KAT6A: variants seen among roughly 807,000 people sequenced by gnomAD.
KAT6A encodes lysine acetyltransferase 6A, also known as histone acetyltransferase KAT6A.
A neutral mutation model predicts 198.4 loss-of-function variants in KAT6A; 9 were observed. That is an observed-to-expected ratio of 0.05 (90% CI 0.03 to 0.08). KAT6A has a LOEUF of 0.08. Among genes scored for constraint, KAT6A ranks in the 10% least tolerant of loss-of-function variants. The pLI, the probability that KAT6A is intolerant of heterozygous loss-of-function variation, is 1.00. For missense variants in KAT6A, 2,077 were observed against 2,509.9 expected (o/e 0.83, Z 3.69); for synonymous variants, 890 against 883.0 (o/e 1.01, Z -0.14).
intron 2 of KAT6A, among the ~76,000 whole-genome samples, chr8:42,025,007 T>C (rs1469414005): frequency 6.6e-6 from 1 of 152,186 alleles, no homozygotes; most frequent in African/African-American, 2.4e-5. Context: ...CTTTCAGTTT[T>C]TGAGAAATCT....
chr8:42,022,767 T>C (rs978526910), intron 2 of KAT6A, among the ~76,000 whole-genome samples: 4 of 152,042 alleles, frequency 2.6e-5, no homozygotes, highest in African/African-American at 9.7e-5. Flanking sequence ...GCACTATTTG[T>C]CATCACAAAA....
intron 8 of KAT6A, among the ~76,000 whole-genome samples, chr8:41,961,788 C>T (rs1006001549): frequency 2.0e-5 from 3 of 151,570 alleles, no homozygotes; most frequent in Admixed American, 1.3e-4. Flanking sequence ...CTTCTTTAGC[C>T]CTCACAGCTC....
intron 2 of KAT6A, among the ~76,000 whole-genome samples, chr8:42,019,968 T>G (rs190641964): frequency 6.6e-6 from 1 of 152,320 alleles, no homozygotes; most frequent in African/African-American, 2.4e-5. Flanking sequence ...AGGGGTATCC[T>G]TAGGTATATA....
chr8:42,015,003 ACTC>A (rs1199774243), intron 2 of KAT6A, among the ~76,000 whole-genome samples: 1 of 152,146 alleles, frequency 6.6e-6, no homozygotes, highest in African/African-American at 2.4e-5. Context: ...CTGTTCAACT[ACTC>A]CTCATCTTTA....
chr8:42,042,637 A>T (rs1035257280), intron 2 of KAT6A, among the ~76,000 whole-genome samples: 2 of 152,198 alleles, frequency 1.3e-5, no homozygotes, highest in Non-Finnish European at 2.9e-5. Context: ...TTATCATTGG[A>T]TCTTTCTGCT....
chr8:41,952,744 T>C lies in KAT6A; in HGVS notation c.1598+2552A>G, dbSNP rs576243567. On this transcript the variant is annotated intron_variant, in intron 9 of 16. Transcript: ENST00000265713. ...AAATAGGCATTAACAAAATTAAGAA[T>C]AGAGGTTTATTATTTGGAAAATGTA... 1.3e-5 allele frequency among the ~76,000 whole-genome samples: 2 copies of C among 152,314 alleles called. 1 individual carries two copies. Among genetic ancestry groups the C allele is most frequent in the African/African-American group, 4.8e-5 (2 of 41,570 alleles).
chr8:42,009,913 A>C (rs1377719984), intron 2 of KAT6A, among the ~76,000 whole-genome samples: 11 of 136,578 alleles, frequency 8.1e-5, no homozygotes, highest in East Asian at 4.2e-4. Context: ...AAAAAAAAAA[A>C]ACAAAAAAAA....
At chr8:41,979,891 T>C (rs1170645664) in intron 5 of KAT6A, among the ~76,000 whole-genome samples, 2 of 151,960 alleles carry the variant, frequency 1.3e-5, no homozygotes, top group East Asian at 1.9e-4. Context: ...CCCAGCTACA[T>C]GGGAGGCTGA....
intron 1 of KAT6A, among the ~76,000 whole-genome samples, chr8:42,051,348 G>A (rs1253530194): frequency 1.3e-5 from 2 of 151,440 alleles, no homozygotes; most frequent in Admixed American, 6.6e-5. Context: ...CCCGCTCGCC[G>A]CCTCAGCCCC....
At chr8:42,035,028 G>A (rs1015978110) in intron 2 of KAT6A, among the ~76,000 whole-genome samples, 9 of 152,172 alleles carry the variant, frequency 5.9e-5, no homozygotes, top group Admixed American at 6.5e-5. Flanking sequence ...TGGACTAGAC[G>A]AAGATGATAC....
At chr8:41,969,669 A>T (rs1305600682) in intron 8 of KAT6A, among the ~76,000 whole-genome samples, 1 of 152,184 alleles carries the variant, frequency 6.6e-6, no homozygotes, top group African/African-American at 2.4e-5. Flanking sequence ...AATGAAACAG[A>T]TCTTGCTGTT....
At chr8:41,962,459 C>A (rs1280841991) in intron 8 of KAT6A, among the ~76,000 whole-genome samples, 1 of 152,126 alleles carries the variant, frequency 6.6e-6, no homozygotes, top group African/African-American at 2.4e-5. Flanking sequence ...CCTGCTTTCA[C>A]AATGCATCAA....
chr8:42,008,839 T>A (rs1825872507), intron 2 of KAT6A, among the ~76,000 whole-genome samples: 1 of 152,184 alleles, frequency 6.6e-6, no homozygotes. Flanking sequence ...AATAGCTACA[T>A]GCACCTAATG....
At chr8:42,023,088 T>C (rs921987753) in intron 2 of KAT6A, among the ~76,000 whole-genome samples, 8 of 152,186 alleles carry the variant, frequency 5.3e-5, no homozygotes, top group African/African-American at 1.7e-4. Context: ...ATACTGAATA[T>C]TGAAGGCAAT....
At position 41,946,673 on chromosome 8, in the gene KAT6A, G is replaced by C; in HGVS notation, c.1914C>G (p.Cys638Trp). The change falls in exon 12 of 17, where the codon TGC (cysteine) becomes TGG (tryptophan). Residue 638 changes from cysteine (C) to tryptophan (W), a missense_variant. Physicochemically the swap from Cys to Trp is radical, Grantham distance 215. Transcript: ENST00000265713. The stretch of plus-strand genomic sequence containing the variant: ...TACAGGAAACATTGTACTTCTGTTG[G>C]CAGTGCTTTTCCTGGTGGAGAAAAC... ...LVGYFSKEKH[C>W]QQKYNVSCIM... 6.3e-7 allele frequency: 1 copy of C among 1,596,636 alleles called. No homozygotes were observed. Among genetic ancestry groups the C allele is most frequent in the Non-Finnish European group, 8.6e-7 (1 of 1,164,272 alleles).
At chr8:41,940,390 G>A (rs888829526) in intron 15 of KAT6A, among the ~76,000 whole-genome samples, 2 of 152,202 alleles carry the variant, frequency 1.3e-5, no homozygotes, top group Admixed American at 6.5e-5. Flanking sequence ...ACTGTACTCT[G>A]AGTACCCCAA....
At chr8:42,029,741 C>T (rs932099269) in intron 2 of KAT6A, among the ~76,000 whole-genome samples, 3 of 151,772 alleles carry the variant, frequency 2.0e-5, no homozygotes, top group African/African-American at 7.3e-5. Flanking sequence ...TGATTACAGG[C>T]ATGAGCCACC....
chr8:41,966,815 C>T (rs1823514323), intron 8 of KAT6A, among the ~76,000 whole-genome samples: 1 of 152,098 alleles, frequency 6.6e-6, no homozygotes, highest in Admixed American at 6.6e-5. Context: ...CCATGACATC[C>T]CGTATACAGA....
In KAT6A at chr8:41,934,425, G is replaced by A; in HGVS notation, c.3795C>T (p.Thr1265=). 1 of 1,610,278 alleles carries A rather than the reference G, an allele frequency of 6.2e-7. No homozygotes were observed. Among genetic ancestry groups the A allele is most frequent in the Non-Finnish European group, 8.5e-7 (1 of 1,178,026 alleles). The change falls in exon 17 of 17, where the codon ACC becomes ACT. Residue 1265 remains threonine, a synonymous_variant. Coordinates refer to ENST00000265713, the MANE Select transcript of KAT6A (RefSeq NM_006766.5). ...CTTCCTCCTCCACCTCAGGCTCCTTGGTTTCGGTCTCAGGACTATTGCTGC... is the reference window on the plus strand; with the variant it reads ...CTTCCTCCTCCACCTCAGGCTCCTTAGTTTCGGTCTCAGGACTATTGCTGC... ...ADSSNSPETE[T]KEPEVEEEEE...
Sources: allele counts gnomAD v4.1 joint callset (sites outside exome capture counted in the v4.1 genomes callset), GRCh38; gene constraint gnomAD v4.1.1; transcripts MANE v1.5; gene names NCBI Gene and HGNC (gene_info 2026-07-23, HGNC 2026-07-21).